The following TAFA3 variants were observed in gnomAD, a reference collection of about 807,000 sequenced individuals.
The protein encoded by TAFA3 is TAFA chemokine like family member 3.
Under a neutral mutation model 20.7 loss-of-function variants are expected in TAFA3, and 17 were observed. The observed-to-expected ratio is 0.82, with a 90% CI of 0.56 to 1.23. The LOEUF (loss-of-function observed/expected upper bound fraction) is 1.23. Ranked by LOEUF, TAFA3 falls within the 50% of genes most tolerant of loss-of-function variation. The pLI, the probability that TAFA3 is intolerant of heterozygous loss-of-function variation, is 0.00. For synonymous variants in TAFA3, 74 were observed against 71.8 expected (o/e 1.03, Z -0.16); for missense variants, 174 against 172.8 (o/e 1.01, Z -0.04).
At chr1:112,723,480 C>T (rs1168336022) in intron 4 of TAFA3, among the ~76,000 whole-genome samples, 1 of 152,152 alleles carries the variant, frequency 6.6e-6, no homozygotes, top group Non-Finnish European at 1.5e-5. Context: ...CCTGCTGCTC[C>T]TTCCCCTGGC....
chr1:112,722,067 T>G (rs146356366), intron 2 of TAFA3, among the ~76,000 whole-genome samples, 166 bp from the exon 3 acceptor site: 11 of 152,274 alleles, frequency 7.2e-5, no homozygotes, highest in African/African-American at 2.6e-4. Context: ...CCTGCAGCAC[T>G]CACTACTGCC....
intron 1 of TAFA3, 23 bp from the exon 2 acceptor site, chr1:112,720,554 A>G (rs1675304937): frequency 6.6e-6 from 1 of 152,240 alleles, no homozygotes; most frequent in African/African-American, 2.4e-5. Flanking sequence ...GCAACCCCCT[A>G]TGAATCTTTC....
In TAFA3 at chr1:112,724,115, G is replaced by A. The variant is rs114361486; in HGVS notation, c.368G>A (p.Gly123Glu). ...CTGTCGGGATGGAGCTGCAGCAGTG[G>A]ACACAAAGTCAAAACCACCAAGGTA... is the stretch of plus-strand genomic sequence containing the variant. ...PDLSGWSCSS[G>E]HKVKTTKVTR Residue 123 changes from glycine to glutamate, a missense_variant, in exon 5 of 6, where the codon GGA becomes GAA. Coordinates refer to ENST00000361886, the MANE Select transcript of TAFA3 (RefSeq NM_182759.3). 1,896 of 1,609,318 alleles carry A rather than the reference G, an allele frequency of 1.2e-3. 26 individuals carry two copies. The African/African-American group carries it at 0.023, about 20-fold the overall frequency.
Position 112,726,975 on chromosome 1 carries a change from A to C in TAFA3, c.*335A>C, listed in dbSNP as rs1675486646. ...GATACCAGACTGCGGCTTCTGGGCC[A>C]CATGCTATGGCATGATGGGGGTTTG... On this transcript the variant is annotated 3_prime_UTR_variant, in exon 6 of 6. Coordinates refer to ENST00000361886, the MANE Select transcript of TAFA3 (RefSeq NM_182759.3). 3.0e-6 allele frequency: 1 copy of C among 330,550 alleles called. No homozygotes were observed. The highest frequency in any genetic ancestry group is 4.7e-5 in the Admixed American group (1 of 21,380). The allele number at this position is 330,550 out of a possible 1,614,324, so 20.5% of individuals were successfully genotyped here.
Position 112,724,103 on chromosome 1 carries a change from G to C in TAFA3, c.356G>C (p.Ser119Thr). The C allele has an allele frequency of 3.1e-6, 5 of 1,612,276 alleles. No homozygotes were observed. Among genetic ancestry groups the C allele is most frequent in the Non-Finnish European group, 4.2e-6 (5 of 1,179,348 alleles). ...CKVLPDLSGW[S>T]CSSGHKVKTT... Reference sequence around the variant, plus strand: ...GTGCTCCCGGACCTGTCGGGATGGAGCTGCAGCAGTGGACACAAAGTCAAA... The same window carrying C: ...GTGCTCCCGGACCTGTCGGGATGGACCTGCAGCAGTGGACACAAAGTCAAA... The change falls in exon 5 of 6, where the codon AGC (serine) becomes ACC (threonine). Residue 119 changes from serine (S) to threonine (T), a missense_variant. Physicochemically the swap from Ser to Thr is moderately conservative, Grantham distance 58. Coordinates refer to ENST00000361886, the MANE Select transcript of TAFA3 (RefSeq NM_182759.3).
At chr1:112,719,382 G>C (rs563274183) in intron 1 of TAFA3, among the ~76,000 whole-genome samples, 83 bp downstream of exon 1, 5 of 152,216 alleles carry the variant, frequency 3.3e-5, no homozygotes, top group Non-Finnish European at 7.3e-5. Flanking sequence ...GTGAAGAAAG[G>C]TTGAAGATTC....
Position 112,723,997 on chromosome 1 carries a change from C to T in TAFA3, c.266-16C>T, listed in dbSNP as rs1444946913. 6.2e-7 allele frequency: 1 copy of T among 1,613,802 alleles called. No individual in the cohort carries two copies. ...GTAGAGACCCTAGAGCTGCACTCCG[C>T]CTCCTGCTCCCACAGCCTCCATCGT... On this transcript the variant is annotated splice_polypyrimidine_tract_variant and intron_variant, in intron 4 of 5. Coordinates refer to ENST00000361886, the MANE Select transcript of TAFA3 (RefSeq NM_182759.3).
chr1:112,721,762 G>C (rs538359834), intron 2 of TAFA3, among the ~76,000 whole-genome samples: 2 of 152,306 alleles, frequency 1.3e-5, no homozygotes, highest in Admixed American at 1.3e-4. Context: ...GACTGCATTT[G>C]TACAGACTCT....
At chr1:112,722,883 C>G in intron 3 of TAFA3, 133 bp from the exon 4 acceptor site, 1 of 1,158,080 alleles carries the variant, frequency 8.6e-7, no homozygotes, top group Non-Finnish European at 1.2e-6. Context: ...TCCACTTCCT[C>G]CTCCCCTGCC....
chr1:112,726,667 A>G lies in TAFA3; in HGVS notation c.*27A>G. ...TCTTGGGGGTCACGGCCTGGACAAG[A>G]AAGGCTTGACTGAGCCGTGAACTGA... is the stretch of plus-strand genomic sequence containing the variant. On this transcript the variant is annotated 3_prime_UTR_variant, in exon 6 of 6. Coordinates refer to ENST00000361886, the MANE Select transcript of TAFA3 (RefSeq NM_182759.3). 4 of 1,613,960 alleles carry G rather than the reference A, an allele frequency of 2.5e-6. No individual in the cohort carries two copies. Among genetic ancestry groups the G allele is most frequent in the Non-Finnish European group, 3.4e-6 (4 of 1,179,870 alleles).
intron 5 of TAFA3, 111 bp downstream of exon 5, chr1:112,724,248 C>G: frequency 1.0e-6 from 1 of 1,002,970 alleles, no homozygotes; most frequent in South Asian, 1.7e-5. Context: ...AAGGTGAGAT[C>G]GTGAACCATG....
In TAFA3 at chr1:112,724,084, C is replaced by G; in HGVS notation, c.337C>G (p.Pro113Ala). 2 of 1,613,410 alleles carry G rather than the reference C, an allele frequency of 1.2e-6. No homozygotes were observed. Among genetic ancestry groups the G allele is most frequent in the South Asian group, 1.1e-5 (1 of 90,994 alleles). ...CLPGEECKVLPDLSGWSCSSG... is the reference protein window; with the variant it reads ...CLPGEECKVLADLSGWSCSSG... ...GCCGGGGGAGGAGTGTAAGGTGCTC[C>G]CGGACCTGTCGGGATGGAGCTGCAG... The change falls in exon 5 of 6, where the codon CCG becomes GCG. Residue 113 changes from proline to alanine, a missense_variant. Coordinates refer to ENST00000361886, the MANE Select transcript of TAFA3 (RefSeq NM_182759.3).
intron 4 of TAFA3, 57 bp downstream of exon 4, chr1:112,723,222 T>C (rs1361088733): frequency 1.0e-5 from 16 of 1,562,304 alleles, no homozygotes; most frequent in East Asian, 2.3e-5. Context: ...AGGAGGCCTG[T>C]TCAGGCCTCG....
At chr1:112,723,202 C>T (rs1316992250) in intron 4 of TAFA3, 37 bp downstream of exon 4, 3 of 1,603,658 alleles carry the variant, frequency 1.9e-6, no homozygotes, top group African/African-American at 1.3e-5. Context: ...GGGCCCTGAG[C>T]AGAGCCATAA....
chr1:112,722,174 C>A, intron 2 of TAFA3, 59 bp from the exon 3 acceptor site: 1 of 1,562,776 alleles, frequency 6.4e-7, no homozygotes, highest in Non-Finnish European at 8.8e-7. Flanking sequence ...GAGAAGGTGC[C>A]CAGGTGCACA....
Position 112,722,287 on chromosome 1 carries a change from G to C in TAFA3, c.54G>C (p.Leu18=), listed in dbSNP as rs1459072632. 6.2e-7 allele frequency: 1 copy of C among 1,614,012 alleles called. No homozygotes were observed. Among genetic ancestry groups the C allele is most frequent in the African/African-American group, 1.3e-5 (1 of 74,938 alleles). Residue 18 remains leucine, a synonymous_variant, in exon 3 of 6, where the codon CTG becomes CTC. Transcript: ENST00000361886. ...GCACGGGCGGCTGGCTGCTGGCACT[G>C]TGCCTGGCCTGGCTGTGGACCCACC... The part of the protein sequence containing the change: ...NWSTGGWLLA[L]CLAWLWTHLT...
rs773684797 is a variant in TAFA3 at position 112,726,738 on chromosome 1, C to T, written c.*98C>T. The T allele has an allele frequency of 6.6e-5, 103 of 1,572,120 alleles. No individual in the cohort carries two copies. Among genetic ancestry groups the T allele is most frequent in the Non-Finnish European group, 8.8e-5 (100 of 1,142,270 alleles). On this transcript the variant is annotated 3_prime_UTR_variant, in exon 6 of 6. Coordinates refer to ENST00000361886, the MANE Select transcript of TAFA3 (RefSeq NM_182759.3). ...GCCAGGAAAGATGGGGATTCACTTA[C>T]ATGCCTCATGTCAAATGCAGCATCA...
rs1216819995 is a variant in TAFA3 at position 112,723,102 on chromosome 1, A to G, written c.202A>G (p.Lys68Glu). The part of the protein sequence containing the change: ...NRIEERSQTV[K>E]CSCFSGQVAG... The stretch of plus-strand genomic sequence containing the variant: ...CATCGAGGAGCGCTCCCAGACGGTG[A>G]AATGCTCCTGTTTTTCTGGCCAGGT... The change falls in exon 4 of 6, where the codon AAA becomes GAA. Residue 68 changes from lysine (K) to glutamate (E), a missense_variant. By Grantham distance (56) the Lys-to-Glu change is moderately conservative. Transcript: ENST00000361886. The G allele has an allele frequency of 6.2e-7, 1 of 1,613,272 alleles. No homozygotes were observed. Among genetic ancestry groups the G allele is most frequent in the Non-Finnish European group, 8.5e-7 (1 of 1,179,788 alleles).
At chr1:112,723,861 C>G (rs1342503617) in intron 4 of TAFA3, 152 bp from the exon 5 acceptor site, 71 of 1,514,296 alleles carry the variant, frequency 4.7e-5, no homozygotes, top group Non-Finnish European at 6.4e-5. Flanking sequence ...TACTGCCTCT[C>G]TGGGCAGCCT....
Sources: gnomAD v4.1 joint callset for allele counts (sites outside exome capture counted in the v4.1 genomes callset) on GRCh38, gnomAD v4.1.1 for gene constraint, MANE v1.5 for transcripts, NCBI Gene and HGNC (gene_info 2026-07-23, HGNC 2026-07-21) for gene names.